The following FBXO33 variants were observed in gnomAD, a reference collection of about 807,000 sequenced individuals.
FBXO33 encodes F-box only protein 33.
Under a neutral mutation model 46.3 loss-of-function variants are expected in FBXO33, and 22 were observed. The ratio of observed to expected loss-of-function variants is 0.48; its 90% CI spans 0.34 to 0.68. FBXO33 has a LOEUF of 0.68. FBXO33 is among the 30% of genes least tolerant of loss of function. FBXO33 has a pLI of 0.01. For synonymous variants in FBXO33, 337 were observed against 291.3 expected (o/e 1.16, Z -1.60); for missense variants, 692 against 708.8 (o/e 0.98, Z 0.27).
intron 1 of FBXO33, among the ~76,000 whole-genome samples, chr14:39,419,973 T>C (rs61999074): frequency 0.04 from 6,115 of 152,312 alleles, 184 homozygotes; most frequent in Non-Finnish European, 0.057. Context: ...TATACTATCA[T>C]CAAAAGAGAA....
intron 1 of FBXO33, among the ~76,000 whole-genome samples, chr14:39,428,561 G>A (rs1448334758): frequency 6.6e-6 from 1 of 152,058 alleles, no homozygotes; most frequent in Non-Finnish European, 1.5e-5. Flanking sequence ...TTCCACCCAA[G>A]AAAAGCTTAT....
intron 1 of FBXO33, among the ~76,000 whole-genome samples, chr14:39,405,241 G>C (rs1311376262): frequency 6.6e-6 from 1 of 152,048 alleles, no homozygotes; most frequent in East Asian, 1.9e-4. Flanking sequence ...GATGAGTTAA[G>C]AAAGTATTTT....
intron 1 of FBXO33, among the ~76,000 whole-genome samples, chr14:39,430,207 A>G (rs1372801626): frequency 9.2e-5 from 14 of 152,196 alleles, no homozygotes. Context: ...TTTTAGCTTC[A>G]ATGGCCTCTC....
At chr14:39,430,912 T>G (rs992102354) in intron 1 of FBXO33, among the ~76,000 whole-genome samples, 2 of 152,056 alleles carry the variant, frequency 1.3e-5, no homozygotes, top group African/African-American at 2.4e-5. Context: ...CCCGCCCGCC[T>G]CCTCCGCCCG....
chr14:39,411,702 T>G (rs970488806), intron 1 of FBXO33, among the ~76,000 whole-genome samples: 10 of 152,050 alleles, frequency 6.6e-5, no homozygotes, highest in African/African-American at 2.4e-4. Context: ...TTTGTATTTT[T>G]AGTAGAGACA....
At chr14:39,409,169 T>A (rs1567074452) in intron 1 of FBXO33, among the ~76,000 whole-genome samples, 1 of 152,176 alleles carries the variant, frequency 6.6e-6, no homozygotes, top group Non-Finnish European at 1.5e-5. Flanking sequence ...CCAAGACCAA[T>A]GCCAAGAAGC....
chr14:39,408,813 T>C (rs1459063441), intron 1 of FBXO33, among the ~76,000 whole-genome samples: 2 of 152,050 alleles, frequency 1.3e-5, no homozygotes, highest in Non-Finnish European at 2.9e-5. Flanking sequence ...GGTCCTGCTG[T>C]TTCCCAGCAT....
chr14:39,412,242 A>G (rs149877747), intron 1 of FBXO33, among the ~76,000 whole-genome samples: 101 of 152,290 alleles, frequency 6.6e-4, no homozygotes, highest in African/African-American at 2.3e-3. Context: ...AGGTGCCCTC[A>G]TACTGGATGC....
chr14:39,425,091 T>G (rs1393734839), intron 1 of FBXO33, among the ~76,000 whole-genome samples: 2 of 152,188 alleles, frequency 1.3e-5, no homozygotes, highest in Non-Finnish European at 2.9e-5. Flanking sequence ...AAATGAGATA[T>G]CTTGTTTTCT....
intron 1 of FBXO33, among the ~76,000 whole-genome samples, chr14:39,430,022 A>C (rs1480940721): frequency 6.6e-6 from 1 of 152,248 alleles, no homozygotes; most frequent in African/African-American, 2.4e-5. Flanking sequence ...GCATGGTTGC[A>C]TAAAAGTGCA....
intron 1 of FBXO33, among the ~76,000 whole-genome samples, chr14:39,425,428 A>G (rs77172810): frequency 0.019 from 2,851 of 152,372 alleles, 105 homozygotes; most frequent in African/African-American, 0.066. Flanking sequence ...ACATAAAAGA[A>G]CATGGTTCTT....
At chr14:39,415,581 C>T (rs905594900) in intron 1 of FBXO33, among the ~76,000 whole-genome samples, 1 of 152,172 alleles carries the variant, frequency 6.6e-6, no homozygotes, top group Non-Finnish European at 1.5e-5. Context: ...ACATTTGCTC[C>T]TGCATACGTT....
chr14:39,401,144 A>C (rs1567072006), intron 3 of FBXO33, 32 bp downstream of exon 3: 2 of 1,532,390 alleles, frequency 1.3e-6, no homozygotes, highest in Non-Finnish European at 1.8e-6. Flanking sequence ...GTCTAATTCC[A>C]GTATCAGATT....
At chr14:39,409,137 G>A (rs1272441941) in intron 1 of FBXO33, among the ~76,000 whole-genome samples, 1 of 151,920 alleles carries the variant, frequency 6.6e-6, no homozygotes, top group Non-Finnish European at 1.5e-5. Context: ...TTTGTTTTTG[G>A]TGTCAAACCA....
In FBXO33 at chr14:39,399,046, T is replaced by A. The variant is rs1361293085; in HGVS notation, c.*470A>T. The A allele has an allele frequency of 6.5e-6, 1 of 152,776 alleles. No homozygotes were observed. Among genetic ancestry groups the A allele is most frequent in the Non-Finnish European group, 1.5e-5 (1 of 68,164 alleles). The allele number at this position is 152,776 out of a possible 1,614,324, so 9.5% of individuals were successfully genotyped here. On this transcript the variant is annotated 3_prime_UTR_variant, in exon 4 of 4. Transcript: ENST00000298097. The stretch of plus-strand genomic sequence containing the variant: ...TGTTACAGATAATTCATTTGGGATA[T>A]TATTTATCTTCCATTTGAAATCAAA...
intron 1 of FBXO33, among the ~76,000 whole-genome samples, chr14:39,415,272 G>T (rs1282488055): frequency 1.3e-5 from 2 of 152,026 alleles, no homozygotes; most frequent in African/African-American, 4.8e-5. Context: ...ACTCCACCCC[G>T]GGTGTCAGAG....
intron 1 of FBXO33, among the ~76,000 whole-genome samples, chr14:39,408,671 C>A (rs1189851458): frequency 1.8e-5 from 2 of 111,888 alleles, no homozygotes; most frequent in South Asian, 2.7e-4. Flanking sequence ...CACCACCATG[C>A]CTATTTTTTT....
intron 1 of FBXO33, among the ~76,000 whole-genome samples, chr14:39,424,795 C>G (rs1314368823): frequency 6.6e-6 from 1 of 152,156 alleles, no homozygotes; most frequent in Admixed American, 6.5e-5. Context: ...TGACTCAGGC[C>G]TGTAATCCCA....
At chr14:39,402,217 T>C (rs1448629928) in intron 2 of FBXO33, among the ~76,000 whole-genome samples, 184 bp downstream of exon 2, 1 of 152,232 alleles carries the variant, frequency 6.6e-6, no homozygotes, top group African/African-American at 2.4e-5. Flanking sequence ...TTACTTGATT[T>C]TTCTTAAAGA....
Sources: allele counts gnomAD v4.1 joint callset (sites outside exome capture counted in the v4.1 genomes callset), GRCh38; gene constraint gnomAD v4.1.1; transcripts MANE v1.5; gene names NCBI Gene and HGNC (gene_info 2026-07-23, HGNC 2026-07-21).